PFDN1: variants seen among roughly 807,000 people sequenced by gnomAD.
PFDN1 encodes prefoldin 1.
In PFDN1, 6 loss-of-function variants were observed where a neutral mutation model predicts 17.3. The ratio of observed to expected loss-of-function variants is 0.35; its 90% CI spans 0.19 to 0.69. PFDN1 has a LOEUF of 0.69. Among genes scored for constraint, PFDN1 ranks in the 30% least tolerant of loss-of-function variants. The probability of loss-of-function intolerance (pLI) is 0.65; values close to 1 mark genes in which losing one functional copy is unlikely to be tolerated. For missense variants in PFDN1, 113 were observed against 146.2 expected (o/e 0.77, Z 1.17); for synonymous variants, 58 against 50.1 (o/e 1.16, Z -0.67).
chr5:140,276,705 C>T (rs751282375), intron 3 of PFDN1, among the ~76,000 whole-genome samples: 2 of 139,628 alleles, frequency 1.4e-5, no homozygotes, highest in South Asian at 2.4e-4. Context: ...TGTTCCAACC[C>T]AGGAGGCAGA....
At chr5:140,246,490 G>T (rs1450224233) in intron 3 of PFDN1, among the ~76,000 whole-genome samples, 1 of 152,236 alleles carries the variant, frequency 6.6e-6, no homozygotes, top group Non-Finnish European at 1.5e-5. Flanking sequence ...TAAAATGGAT[G>T]GTGCACGCTC....
chr5:140,302,161 G>A (rs1296115793), intron 1 of PFDN1, among the ~76,000 whole-genome samples: 1 of 152,192 alleles, frequency 6.6e-6, no homozygotes, highest in African/African-American at 2.4e-5. Context: ...TGTGAGATAA[G>A]GCAGAGAATA....
chr5:140,266,024 C>G (rs1268813619), intron 3 of PFDN1, among the ~76,000 whole-genome samples: 6 of 152,176 alleles, frequency 3.9e-5, no homozygotes, highest in Non-Finnish European at 8.8e-5. Context: ...CTGCCCTAGC[C>G]CCACCTAGCA....
chr5:140,277,522 A>C (rs913170865), intron 3 of PFDN1, among the ~76,000 whole-genome samples: 3 of 152,050 alleles, frequency 2.0e-5, no homozygotes, highest in Admixed American at 1.3e-4. Context: ...TAAAAAAAAA[A>C]CACTAATCCT....
intron 3 of PFDN1, among the ~76,000 whole-genome samples, chr5:140,280,782 AG>A (rs747031410): frequency 1.4e-4 from 22 of 152,350 alleles, no homozygotes; most frequent in Admixed American, 2.6e-4. Context: ...TACTATACAC[AG>A]GATGGGCCTT....
chr5:140,276,657 G>A (rs1240826934), intron 3 of PFDN1, among the ~76,000 whole-genome samples: 2 of 151,738 alleles, frequency 1.3e-5, no homozygotes, highest in East Asian at 3.9e-4. Flanking sequence ...GCACACACCT[G>A]TAATCCCAGA....
intron 3 of PFDN1, among the ~76,000 whole-genome samples, chr5:140,251,958 C>A (rs1218459711): frequency 1.3e-5 from 2 of 152,058 alleles, no homozygotes; most frequent in African/African-American, 4.8e-5. Context: ...TTCTTAGGAA[C>A]TTTGTCTCCA....
chr5:140,252,163 C>A (rs1764924200), intron 3 of PFDN1, among the ~76,000 whole-genome samples: 1 of 151,702 alleles, frequency 6.6e-6, no homozygotes, highest in Admixed American at 6.6e-5. Context: ...ACGACACTTT[C>A]TTCACATGAA....
intron 3 of PFDN1, among the ~76,000 whole-genome samples, chr5:140,255,402 T>G (rs941664092): frequency 6.6e-6 from 1 of 152,072 alleles, no homozygotes; most frequent in Non-Finnish European, 1.5e-5. Context: ...GGGCTGTAAT[T>G]TACAGAACCC....
chr5:140,255,020 GT>G (rs1277257773), intron 3 of PFDN1, among the ~76,000 whole-genome samples: 24 of 152,176 alleles, frequency 1.6e-4, no homozygotes, highest in African/African-American at 5.6e-4. Flanking sequence ...ATGCTAAACT[GT>G]GCTGAATGGT....
intron 3 of PFDN1, among the ~76,000 whole-genome samples, chr5:140,278,588 C>CA (rs1378588628): frequency 1.1e-5 from 1 of 90,934 alleles, no homozygotes; most frequent in Non-Finnish European, 2.3e-5. Context: ...AAAAAAAAAA[C>CA]AAAAAACAAA....
At chr5:140,252,677 G>A (rs1397548598) in intron 3 of PFDN1, among the ~76,000 whole-genome samples, 2 of 152,228 alleles carry the variant, frequency 1.3e-5, no homozygotes, top group Non-Finnish European at 2.9e-5. Context: ...TTTGGCAAGA[G>A]GCCAAGAACT....
At chr5:140,295,774 C>T (rs1001804238) in intron 2 of PFDN1, among the ~76,000 whole-genome samples, 4 of 151,880 alleles carry the variant, frequency 2.6e-5, no homozygotes, top group African/African-American at 9.7e-5. Context: ...AGGTATTTAA[C>T]ACTACAAAAT....
intron 1 of PFDN1, among the ~76,000 whole-genome samples, chr5:140,301,613 A>C (rs1281841165): frequency 6.6e-6 from 1 of 152,240 alleles, no homozygotes; most frequent in Non-Finnish European, 1.5e-5. Context: ...CCCTGTAAAA[A>C]CATTAGAAGA....
chr5:140,246,119 A>G, intron 3 of PFDN1, 62 bp from the exon 4 acceptor site: 1 of 960,136 alleles, frequency 1.0e-6, no homozygotes, highest in Non-Finnish European at 1.6e-6. Context: ...TGGAAGACAC[A>G]GCTTTGATGT....
intron 3 of PFDN1, among the ~76,000 whole-genome samples, chr5:140,277,440 A>C (rs970090854): frequency 1.3e-5 from 2 of 152,190 alleles, no homozygotes; most frequent in Non-Finnish European, 2.9e-5. Context: ...GAAAAATTCC[A>C]AAAGGAAATA....
intron 3 of PFDN1, among the ~76,000 whole-genome samples, chr5:140,259,776 TG>T (rs938576426): frequency 1.3e-5 from 2 of 152,234 alleles, no homozygotes; most frequent in African/African-American, 4.8e-5. Context: ...CAGGTGTGTG[TG>T]GCTAGAGCCT....
At chr5:140,271,104 C>T (rs1361318294) in intron 3 of PFDN1, among the ~76,000 whole-genome samples, 4 of 152,016 alleles carry the variant, frequency 2.6e-5, no homozygotes, top group African/African-American at 9.7e-5. Context: ...AAAAAATGCT[C>T]AAACAGAAAA....
intron 2 of PFDN1, among the ~76,000 whole-genome samples, chr5:140,284,248 C>A (rs980134590): frequency 6.6e-6 from 1 of 152,186 alleles, no homozygotes; most frequent in South Asian, 2.1e-4. Flanking sequence ...CTACTACAAA[C>A]CTAAGGACAT....
Sources: gnomAD v4.1 joint callset for allele counts (sites outside exome capture counted in the v4.1 genomes callset) on GRCh38, gnomAD v4.1.1 for gene constraint, MANE v1.5 for transcripts, NCBI Gene and HGNC (gene_info 2026-07-23, HGNC 2026-07-21) for gene names.